Variants in HCN1 observed in about 807,000 individuals in gnomAD.
HCN1 encodes the protein hyperpolarization activated cyclic nucleotide gated potassium channel 1.
Under a neutral mutation model 78.9 loss-of-function variants are expected in HCN1, and 13 were observed. The observed-to-expected ratio is 0.16, with a 90% confidence interval of 0.11 to 0.26. The LOEUF (loss-of-function observed/expected upper bound fraction) is 0.26, where lower values mean the gene tolerates loss of function less well. Among genes scored for constraint, HCN1 ranks in the 10% least tolerant of loss-of-function variants. The pLI is 1.00. For synonymous variants in HCN1, 552 were observed against 455.5 expected (o/e 1.21, Z -2.70); for missense variants, 810 against 1,154.3 (o/e 0.70, Z 4.32).
At chr5:45,323,262 G>A (rs763613067) in intron 5 of HCN1, among the ~76,000 whole-genome samples, 5 of 151,738 alleles carry the variant, frequency 3.3e-5, no homozygotes, top group Non-Finnish European at 5.9e-5. Context: ...ACTATCTCAC[G>A]AATGATGTTC....
chr5:45,325,308 A>G (rs1310975968), intron 5 of HCN1, among the ~76,000 whole-genome samples: 1 of 151,680 alleles, frequency 6.6e-6, no homozygotes, highest in Non-Finnish European at 1.5e-5. Context: ...TTAATAAAAC[A>G]CTCCAAGTCA....
chr5:45,314,792 C>T (rs1745942773), intron 5 of HCN1, among the ~76,000 whole-genome samples: 1 of 151,990 alleles, frequency 6.6e-6, no homozygotes, highest in African/African-American at 2.4e-5. Context: ...GACTTTAAAC[C>T]AACAAAGATC....
chr5:45,506,844 T>C (rs1742312001), intron 2 of HCN1, among the ~76,000 whole-genome samples: 1 of 152,162 alleles, frequency 6.6e-6, no homozygotes, highest in Non-Finnish European at 1.5e-5. Context: ...AATAGGAAAT[T>C]CATGTTAATT....
intron 6 of HCN1, among the ~76,000 whole-genome samples, chr5:45,280,949 T>C (rs915279669): frequency 6.6e-6 from 1 of 152,032 alleles, no homozygotes; most frequent in Non-Finnish European, 1.5e-5. Context: ...CCAGTTGGTT[T>C]ACCAGTTTAA....
At chr5:45,608,358 T>TGC (rs58225711) in intron 2 of HCN1, among the ~76,000 whole-genome samples, 7 of 40,788 alleles carry the variant, frequency 1.7e-4, no homozygotes, top group Admixed American at 1.2e-3. Flanking sequence ...GATGGGTGTA[T>TGC]GTGTGTGTGT....
chr5:45,642,728 CT>C (rs768799283), intron 2 of HCN1: 1 of 152,096 alleles, frequency 6.6e-6, no homozygotes, highest in Non-Finnish European at 1.5e-5. Flanking sequence ...TAAACACATC[CT>C]GGTGACATTT....
At chr5:45,437,096 T>C (rs893092985) in intron 3 of HCN1, among the ~76,000 whole-genome samples, 2 of 152,158 alleles carry the variant, frequency 1.3e-5, no homozygotes, top group African/African-American at 2.4e-5. Context: ...TCAAAAGAAA[T>C]GCATGCAGTT....
At chr5:45,489,472 T>C (rs1021163285) in intron 2 of HCN1, among the ~76,000 whole-genome samples, 10 of 152,260 alleles carry the variant, frequency 6.6e-5, no homozygotes, top group African/African-American at 2.4e-4. Flanking sequence ...GCTTGAAAAG[T>C]ACACAAGAAC....
rs138279086 is a variant in HCN1 at position 45,446,263 on chromosome 5, C to T, written c.1011+15583G>A. 1.2e-3 allele frequency among the ~76,000 whole-genome samples: 184 copies of T among 151,906 alleles called. 1 individual carries two copies. In the East Asian group the frequency reaches 0.02, roughly 16 times the overall value. Reference sequence around the variant, plus strand: ...AATGCAGAAGCCTCAGGAGCCAATGCGATCAACTGGAAGAAAGGGTATGAG... The same window carrying T: ...AATGCAGAAGCCTCAGGAGCCAATGTGATCAACTGGAAGAAAGGGTATGAG... On this transcript the variant is annotated intron_variant, in intron 3 of 7. Coordinates refer to ENST00000303230, the MANE Select transcript of HCN1 (RefSeq NM_021072.4).
At chr5:45,494,356 G>A (rs1201496488) in intron 2 of HCN1, among the ~76,000 whole-genome samples, 2 of 152,192 alleles carry the variant, frequency 1.3e-5, no homozygotes, top group Non-Finnish European at 2.9e-5. Flanking sequence ...GGCCAGTGAT[G>A]GTGAGCATTT....
intron 1 of HCN1, among the ~76,000 whole-genome samples, chr5:45,656,357 T>C (rs1745764622): frequency 6.6e-6 from 1 of 152,134 alleles, no homozygotes; most frequent in African/African-American, 2.4e-5. Flanking sequence ...AAATCAATAA[T>C]GTCTTATAAA....
intron 2 of HCN1, among the ~76,000 whole-genome samples, chr5:45,552,350 C>T (rs1185428594): frequency 1.3e-5 from 2 of 151,880 alleles, no homozygotes; most frequent in African/African-American, 4.8e-5. Flanking sequence ...CATGAACTCG[C>T]ATAATATGGT....
intron 5 of HCN1, among the ~76,000 whole-genome samples, chr5:45,341,746 A>G (rs1016227378): frequency 2.6e-5 from 4 of 152,054 alleles, no homozygotes; most frequent in Admixed American, 2.6e-4. Context: ...GACAGTGAGA[A>G]CCTGTCTCAA....
intron 2 of HCN1, among the ~76,000 whole-genome samples, chr5:45,603,260 C>T (rs1439723210): frequency 1.3e-5 from 2 of 152,034 alleles, no homozygotes; most frequent in Non-Finnish European, 2.9e-5. Context: ...CATTCTCAGA[C>T]ATCCCTTCAA....
intron 4 of HCN1, among the ~76,000 whole-genome samples, chr5:45,375,745 T>C (rs1213489301): frequency 2.5e-5 from 3 of 118,010 alleles, no homozygotes; most frequent in Non-Finnish European, 4.9e-5. Flanking sequence ...ATATATCTTA[T>C]ATATAATATC....
chr5:45,344,944 C>T (rs1746667557), intron 5 of HCN1, among the ~76,000 whole-genome samples: 1 of 152,204 alleles, frequency 6.6e-6, no homozygotes, highest in Non-Finnish European at 1.5e-5. Context: ...TCTGACCTCA[C>T]ATTTCCCTAC....
At chr5:45,370,166 G>A (rs1285078448) in intron 4 of HCN1, among the ~76,000 whole-genome samples, 1 of 151,696 alleles carries the variant, frequency 6.6e-6, no homozygotes, top group Non-Finnish European at 1.5e-5. Flanking sequence ...AAGAATACAA[G>A]GTTGTTTTTG....
chr5:45,313,635 T>C (rs540425175), intron 5 of HCN1, among the ~76,000 whole-genome samples: 8 of 152,264 alleles, frequency 5.3e-5, no homozygotes, highest in Non-Finnish European at 8.8e-5. Flanking sequence ...ATTAGACGAA[T>C]GGCTAACTAG....
At chr5:45,599,415 G>C (rs1647577617) in intron 2 of HCN1, among the ~76,000 whole-genome samples, 1 of 151,936 alleles carries the variant, frequency 6.6e-6, no homozygotes, top group Admixed American at 6.6e-5. Context: ...GTCAGGGGGT[G>C]GGGGCTGGGG....
Sources: gnomAD v4.1 joint callset for allele counts (sites outside exome capture counted in the v4.1 genomes callset) on GRCh38, gnomAD v4.1.1 for gene constraint, MANE v1.5 for transcripts, NCBI Gene and HGNC (gene_info 2026-07-23, HGNC 2026-07-21) for gene names.